Variants in PCGF3 observed in about 807,000 individuals in gnomAD.
PCGF3 encodes polycomb group RING finger protein 3.
A neutral mutation model predicts 33.1 loss-of-function variants in PCGF3; 7 were observed. That is an observed-to-expected ratio of 0.21 (90% CI 0.12 to 0.40). The LOEUF is 0.40. Ranked by LOEUF, PCGF3 falls within the 10% of genes least tolerant of loss-of-function variation. The pLI is 1.00. For missense variants in PCGF3, 211 were observed against 313.3 expected (o/e 0.67, Z 2.46); for synonymous variants, 153 against 121.3 (o/e 1.26, Z -1.72).
chr4:730,852 C>A (rs532251917), intron 2 of PCGF3, 118 bp from the exon 3 acceptor site: 1 of 395,750 alleles, frequency 2.5e-6, no homozygotes, highest in African/African-American at 2.1e-5. Flanking sequence ...TTCTGATTGA[C>A]CCCATTCCGC....
intron 1 of PCGF3, among the ~76,000 whole-genome samples, chr4:714,032 G>A (rs950042681): frequency 1.3e-5 from 2 of 152,114 alleles, no homozygotes; most frequent in Admixed American, 6.5e-5. Context: ...ATCCATGGGG[G>A]ACCCTAACCC....
At chr4:747,983 C>T (rs1689959984) in intron 8 of PCGF3, among the ~76,000 whole-genome samples, 1 of 152,128 alleles carries the variant, frequency 6.6e-6, no homozygotes, top group African/African-American at 2.4e-5. Flanking sequence ...CCCCATGGCC[C>T]ACGTTTTGTG....
At chr4:761,359 C>T (rs369964701) in exon 9 of PCGF3, 24 of 1,612,136 alleles carry the variant, frequency 1.5e-5, no homozygotes, top group Admixed American at 6.7e-5. Flanking sequence ...CCCAGGCGAC[C>T]GTCTTGCATC....
At chr4:763,591 C>T (rs141717388) in intron 9 of PCGF3, among the ~76,000 whole-genome samples, 438 of 152,316 alleles carry the variant, frequency 2.9e-3, no homozygotes, top group African/African-American at 7.7e-3. Context: ...CGGGAAACGC[C>T]GGGAGCGCAG....
intron 3 of PCGF3, chr4:731,324 C>T (rs1392236958): frequency 5.0e-6 from 2 of 399,398 alleles, no homozygotes; most frequent in Admixed American, 4.4e-5. Context: ...GTGCGGGGTG[C>T]AGAGGGCTGG....
At chr4:713,980 C>T (rs1469163124) in intron 1 of PCGF3, among the ~76,000 whole-genome samples, 4 of 152,180 alleles carry the variant, frequency 2.6e-5, no homozygotes, top group African/African-American at 9.7e-5. Flanking sequence ...GAAAATTATA[C>T]AGTGAGCACT....
intron 8 of PCGF3, among the ~76,000 whole-genome samples, chr4:755,846 A>G (rs548862792): frequency 6.7e-5 from 10 of 149,240 alleles, no homozygotes; most frequent in African/African-American, 1.7e-4. Flanking sequence ...TTTACCATTA[A>G]GTTGTGGTCT....
intron 4 of PCGF3, 126 bp from the exon 5 acceptor site, chr4:734,805 A>G (rs1316763256): frequency 2.1e-6 from 3 of 1,420,376 alleles, no homozygotes; most frequent in South Asian, 1.6e-5. Context: ...GAGAGCCACA[A>G]GGAGGACAGC....
At chr4:726,228 T>C (rs1743327751) in intron 1 of PCGF3, among the ~76,000 whole-genome samples, 1 of 152,266 alleles carries the variant, frequency 6.6e-6, no homozygotes, top group Admixed American at 6.5e-5. Flanking sequence ...CAGTTGAGCA[T>C]TTAAAACATG....
intron 3 of PCGF3, among the ~76,000 whole-genome samples, chr4:732,878 C>T (rs892633187): frequency 3.3e-5 from 5 of 152,238 alleles, no homozygotes; most frequent in African/African-American, 1.2e-4. Flanking sequence ...TTGCCTCAAG[C>T]ACAGAAGCAA....
At chr4:742,798 A>G (rs1213866478) in intron 6 of PCGF3, among the ~76,000 whole-genome samples, 1 of 152,194 alleles carries the variant, frequency 6.6e-6, no homozygotes, top group Non-Finnish European at 1.5e-5. Context: ...CTGTGGCCAC[A>G]GACACCAGGG....
rs1270778469 is a variant in PCGF3 at position 743,455 on chromosome 4, G to C, written c.263-19G>C. ...TCCACTGCCTGTGAGATGAAAGACT[G>C]TGTGTTGATTTTCCGCAGCGGAAAT... On this transcript the variant is annotated intron_variant, in intron 6 of 10. Coordinates refer to ENST00000362003, the Ensembl canonical transcript of PCGF3. 6.9e-7 allele frequency: 1 copy of C among 1,442,002 alleles called. No homozygotes were observed. Among genetic ancestry groups the C allele is most frequent in the East Asian group, 2.3e-5 (1 of 44,128 alleles). 89.3% of individuals were successfully genotyped at this position (1,442,002 alleles called of 1,614,324 possible).
intron 3 of PCGF3, among the ~76,000 whole-genome samples, chr4:733,231 G>A (rs1055764489): frequency 2.0e-5 from 3 of 152,244 alleles, no homozygotes; most frequent in Non-Finnish European, 4.4e-5. Context: ...CCCAAGGGTC[G>A]CGCTGTGAGC....
intron 8 of PCGF3, among the ~76,000 whole-genome samples, chr4:751,851 A>G (rs566550579): frequency 6.6e-6 from 1 of 152,148 alleles, no homozygotes; most frequent in African/African-American, 2.4e-5. Context: ...CGCTGGCTTC[A>G]CAGCCGACCT....
intron 5 of PCGF3, among the ~76,000 whole-genome samples, chr4:736,485 CAGGGAACCCGGGGTGTCCGCA>C (rs1743831191): frequency 3.3e-5 from 5 of 150,644 alleles, no homozygotes; most frequent in African/African-American, 7.4e-5. Context: ...GCATAGGATG[CAGGGAACCCGGGGTGTCCGCA>C]GGGACGGTGT....
At chr4:767,877 C>G (rs992570557) in exon 11 of PCGF3, 9 of 152,658 alleles carry the variant, frequency 5.9e-5, no homozygotes, top group Non-Finnish European at 4.4e-5. Context: ...AATACACATA[C>G]TGCTGAAGCA....
rs376397497 is a variant in PCGF3 at position 733,293 on chromosome 4, C to G, written c.-9-379C>G. Among the ~76,000 whole-genome samples the G allele has an allele frequency of 3.3e-5, 5 of 152,380 alleles. No homozygotes were observed. In the South Asian group the frequency reaches 1.0e-3, roughly 32 times the overall value. On this transcript the variant is annotated intron_variant, in intron 3 of 10. Transcript: ENST00000362003. ...TGCCCATCCTCATCCCACCCGGCAG[C>G]TCTGCCTTCGCGGGCTCCTCCTGCT...
At chr4:738,716 G>T (rs1208555113) in intron 6 of PCGF3, among the ~76,000 whole-genome samples, 1 of 151,950 alleles carries the variant, frequency 6.6e-6, no homozygotes. Flanking sequence ...AAAATTAGTC[G>T]GGCGTGGTGT....
exon 9 of PCGF3, chr4:761,356 G>T (rs141712126): frequency 1.9e-6 from 3 of 1,612,270 alleles, no homozygotes; most frequent in African/African-American, 1.3e-5. Context: ...CAGCCCAGGC[G>T]ACCGTCTTGC....
Sources: allele counts gnomAD v4.1 joint callset (sites outside exome capture counted in the v4.1 genomes callset), GRCh38; gene constraint gnomAD v4.1.1; transcripts MANE v1.5; gene names NCBI Gene and HGNC (gene_info 2026-07-23, HGNC 2026-07-21).